Variants in IMMP2L observed in about 807,000 individuals in gnomAD.
IMMP2L encodes inner mitochondrial membrane peptidase subunit 2, also known as mitochondrial inner membrane protease subunit 2.
Under a neutral mutation model 19.3 loss-of-function variants are expected in IMMP2L, and 18 were observed. The ratio of observed to expected loss-of-function variants is 0.93; its 90% CI spans 0.64 to 1.38. The LOEUF (loss-of-function observed/expected upper bound fraction) is 1.38, where lower values mean the gene tolerates loss of function less well. Among genes scored for constraint, IMMP2L ranks in the 40% most tolerant of loss-of-function variants. The pLI, the probability that IMMP2L is intolerant of heterozygous loss-of-function variation, is 0.00. For synonymous variants in IMMP2L, 76 were observed against 73.0 expected (o/e 1.04, Z -0.21); for missense variants, 233 against 218.2 (o/e 1.07, Z -0.43).
intron 3 of IMMP2L, among the ~76,000 whole-genome samples, chr7:111,278,254 T>C (rs1219626744): frequency 1.3e-5 from 2 of 152,318 alleles, no homozygotes; most frequent in East Asian, 1.9e-4. Flanking sequence ...AGTTTTAACA[T>C]ACACATTTAC....
At chr7:111,446,900 C>T (rs1405442236) in intron 3 of IMMP2L, among the ~76,000 whole-genome samples, 4 of 149,776 alleles carry the variant, frequency 2.7e-5, no homozygotes, top group Admixed American at 2.0e-4. Context: ...TCGAGAACTA[C>T]GTGAAGAATG....
At chr7:110,819,250 G>C (rs1448377487) in intron 5 of IMMP2L, among the ~76,000 whole-genome samples, 1 of 152,026 alleles carries the variant, frequency 6.6e-6, no homozygotes, top group Non-Finnish European at 1.5e-5. Flanking sequence ...GTAAGGTAAA[G>C]ATAGGTTACA....
intron 3 of IMMP2L, among the ~76,000 whole-genome samples, chr7:111,050,466 T>C (rs932631337): frequency 5.3e-5 from 8 of 152,152 alleles, no homozygotes; most frequent in South Asian, 2.1e-4. Flanking sequence ...TCTAAACATA[T>C]CAGCCCACTC....
At chr7:111,363,887 C>T (rs1200894666) in intron 3 of IMMP2L, among the ~76,000 whole-genome samples, 1 of 152,068 alleles carries the variant, frequency 6.6e-6, no homozygotes, top group Non-Finnish European at 1.5e-5. Flanking sequence ...ACCTTTCCAT[C>T]ATGTTGTCCC....
At chr7:110,909,117 G>C (rs1812773319) in intron 4 of IMMP2L, among the ~76,000 whole-genome samples, 1 of 152,086 alleles carries the variant, frequency 6.6e-6, no homozygotes, top group Admixed American at 6.6e-5. Context: ...AAGATCCCGT[G>C]TTCAGAAGAA....
intron 1 of IMMP2L, among the ~76,000 whole-genome samples, chr7:111,548,599 C>G (rs1849158816): frequency 6.6e-6 from 1 of 152,070 alleles, no homozygotes; most frequent in Non-Finnish European, 1.5e-5. Context: ...ACCTTTATCT[C>G]GAAGTAATCA....
intron 3 of IMMP2L, among the ~76,000 whole-genome samples, chr7:111,000,822 C>T (rs1823590807): frequency 6.8e-6 from 1 of 147,008 alleles, no homozygotes; most frequent in African/African-American, 2.6e-5. Flanking sequence ...CCAGCCTGGG[C>T]AACAGAGCCA....
intron 3 of IMMP2L, among the ~76,000 whole-genome samples, chr7:111,359,084 A>T (rs948264831): frequency 5.3e-5 from 8 of 152,106 alleles, no homozygotes; most frequent in Non-Finnish European, 7.4e-5. Context: ...AGCTCTTGCC[A>T]AGCCGATACA....
intron 4 of IMMP2L, among the ~76,000 whole-genome samples, chr7:110,898,131 C>A (rs981696657): frequency 6.6e-6 from 1 of 150,838 alleles, no homozygotes; most frequent in Admixed American, 6.6e-5. Context: ...AAAGTAATTA[C>A]AATAGACATA....
rs551162688 is a variant in IMMP2L, at chr7:111,284,069, T to A, written c.239+203169A>T. On this transcript the variant is annotated intron_variant, in intron 3 of 5. Transcript: ENST00000405709. The stretch of plus-strand genomic sequence containing the variant: ...ATGTATATTACCATTTTCTCCTCAG[T>A]ATATATAACAAAAGTTTTTCAAGAC... 2.0e-5 allele frequency among the ~76,000 whole-genome samples: 3 copies of A among 151,890 alleles called. No homozygotes were observed. The South Asian group carries it at 6.2e-4, about 32-fold the overall frequency.
chr7:110,664,159 C>T (rs1285274152), intron 5 of IMMP2L, among the ~76,000 whole-genome samples: 3 of 152,034 alleles, frequency 2.0e-5, no homozygotes, highest in African/African-American at 7.2e-5. Context: ...ATAAATCTGG[C>T]GTATATTCTC....
At chr7:111,307,490 G>A (rs1028214964) in intron 3 of IMMP2L, among the ~76,000 whole-genome samples, 14 of 151,514 alleles carry the variant, frequency 9.2e-5, no homozygotes, top group African/African-American at 2.9e-4. Context: ...TATCTACCTC[G>A]CAGTAGGTAA....
chr7:110,983,471 G>A (rs1188337032), intron 3 of IMMP2L, among the ~76,000 whole-genome samples: 1 of 151,742 alleles, frequency 6.6e-6, no homozygotes, highest in Non-Finnish European at 1.5e-5. Context: ...TTCCCTTCTC[G>A]TCATCATATA....
chr7:111,192,888 GGGA>G (rs764109894), intron 3 of IMMP2L, among the ~76,000 whole-genome samples: 54 of 152,258 alleles, frequency 3.5e-4, no homozygotes, highest in Non-Finnish European at 5.7e-4. Flanking sequence ...GATGAGGTAA[GGGA>G]GGAGTTTAGA....
chr7:110,814,057 C>A (rs1457564029), intron 5 of IMMP2L, among the ~76,000 whole-genome samples: 1 of 151,874 alleles, frequency 6.6e-6, no homozygotes, highest in African/African-American at 2.4e-5. Flanking sequence ...AAACAGAGAA[C>A]ACTCTTGATT....
intron 3 of IMMP2L, among the ~76,000 whole-genome samples, chr7:111,111,713 A>G (rs1158667223): frequency 6.6e-6 from 1 of 151,994 alleles, no homozygotes; most frequent in Non-Finnish European, 1.5e-5. Context: ...GTAGGCAACC[A>G]AATTTTGCAA....
chr7:111,487,168 A>G, intron 3 of IMMP2L, 70 bp downstream of exon 3: 1 of 695,948 alleles, frequency 1.4e-6, no homozygotes, highest in Non-Finnish European at 2.5e-6. Context: ...TTAACAGTGG[A>G]TTACCAGTTA....
chr7:110,950,842 A>ATATATG (rs1491369507), intron 4 of IMMP2L, among the ~76,000 whole-genome samples: 1 of 27,452 alleles, frequency 3.6e-5, no homozygotes, highest in Non-Finnish European at 1.0e-4. Flanking sequence ...AAAATGTGGC[A>ATATATG]TATATATATA....
At chr7:110,737,132 C>T (rs1394676967) in intron 5 of IMMP2L, among the ~76,000 whole-genome samples, 1 of 152,136 alleles carries the variant, frequency 6.6e-6, no homozygotes, top group Admixed American at 6.5e-5. Flanking sequence ...AACTTTTGCT[C>T]CAGGAACTAC....
Sources: gnomAD v4.1 joint callset for allele counts (sites outside exome capture counted in the v4.1 genomes callset) on GRCh38, gnomAD v4.1.1 for gene constraint, MANE v1.5 for transcripts, NCBI Gene and HGNC (gene_info 2026-07-23, HGNC 2026-07-21) for gene names.